The following RAB11FIP3 variants were observed in gnomAD, a reference collection of about 807,000 sequenced individuals.
RAB11FIP3 encodes RAB11 family interacting protein 3.
Under a neutral mutation model 77.8 loss-of-function variants are expected in RAB11FIP3, and 17 were observed. The ratio of observed to expected loss-of-function variants is 0.22; its 90% confidence interval spans 0.15 to 0.33. The LOEUF is 0.33. RAB11FIP3 is among the 10% of genes least tolerant of loss of function. RAB11FIP3 has a pLI of 1.00. For synonymous variants in RAB11FIP3, 437 were observed against 448.2 expected (o/e 0.98, Z 0.31); for missense variants, 1,005 against 1,011.2 (o/e 0.99, Z 0.08).
rs1042433105 is a variant in RAB11FIP3, at chr16:425,852, C to A, written c.-155C>A. The A allele has an allele frequency of 7.1e-6, 2 of 279,748 alleles. No homozygotes were observed. Among genetic ancestry groups the A allele is most frequent in the South Asian group, 1.5e-4 (1 of 6,878 alleles). The allele number at this position is 279,748 out of a possible 1,614,324, so 17.3% of individuals were successfully genotyped here. ...AGCTGAGGCGCGGTGCGAAGATGGGCGAGGACAGAGCAGGGCCCGAGCGCC... is the reference window on the plus strand; with the variant it reads ...AGCTGAGGCGCGGTGCGAAGATGGGAGAGGACAGAGCAGGGCCCGAGCGCC... On this transcript the variant is annotated 5_prime_UTR_variant, in exon 1 of 14. Coordinates refer to ENST00000262305, the MANE Select transcript of RAB11FIP3 (RefSeq NM_014700.4).
chr16:450,471 C>T (rs1457427225), intron 1 of RAB11FIP3, among the ~76,000 whole-genome samples: 4 of 152,330 alleles, frequency 2.6e-5, no homozygotes, highest in South Asian at 2.1e-4. Context: ...TGACCCACCA[C>T]GCCCAACCAA....
chr16:492,699 T>C (rs1413890752), intron 5 of RAB11FIP3, among the ~76,000 whole-genome samples: 1 of 152,188 alleles, frequency 6.6e-6, no homozygotes. Context: ...GCCCTCCCAC[T>C]CACCGATAAG....
At chr16:467,015 G>A (rs529171122) in intron 2 of RAB11FIP3, among the ~76,000 whole-genome samples, 5 of 152,316 alleles carry the variant, frequency 3.3e-5, no homozygotes, top group East Asian at 1.9e-4. Context: ...ATGGGGCAAC[G>A]GGCCCGTGAG....
Position 482,662 on chromosome 16 carries a change from C to T in RAB11FIP3, c.1041C>T (p.Gly347=). The T allele has an allele frequency of 1.2e-6, 2 of 1,612,910 alleles. No homozygotes were observed. Among genetic ancestry groups the T allele is most frequent in the South Asian group, 1.1e-5 (1 of 91,052 alleles). The change falls in exon 4 of 14, where the codon GGC becomes GGT. Residue 347 remains glycine, a synonymous_variant. Transcript: ENST00000262305. The part of the protein sequence containing the change: ...QPEGDADSAG[G]SAVPSECLDA... ...AAGGGGACGCAGACAGTGCCGGCGG[C>T]TCGGCCGTGCCCTCTGAGTGCCTGG...
rs1368165135 is a variant in RAB11FIP3, at chr16:522,130, A to C, written c.*1291A>C. ...ACATTTGGGGAAAGCCTTGGGTGTA[A>C]ATCAGTGTAAACTTGGAGGAGAGAT... On this transcript the variant is annotated 3_prime_UTR_variant, in exon 14 of 14. Coordinates refer to ENST00000262305, the MANE Select transcript of RAB11FIP3 (RefSeq NM_014700.4). 2.0e-5 allele frequency: 3 copies of C among 151,662 alleles called. No individual in the cohort carries two copies. Among genetic ancestry groups the C allele is most frequent in the African/African-American group, 7.3e-5 (3 of 41,146 alleles). 9.4% of individuals were successfully genotyped at this position (151,662 alleles called of 1,614,324 possible). A position where few individuals can be genotyped will look rare whatever the true frequency, so the allele number is the denominator to read the frequency against.
chr16:482,380 C>T, intron 3 of RAB11FIP3, 145 bp from the exon 4 acceptor site: 2 of 786,418 alleles, frequency 2.5e-6, no homozygotes, highest in Non-Finnish European at 4.5e-6. Flanking sequence ...TAAGTAATGT[C>T]TCTGCTTAGA....
intron 8 of RAB11FIP3, 173 bp from the exon 9 acceptor site, chr16:510,487 G>C (rs1269974858): frequency 5.7e-6 from 4 of 699,950 alleles, no homozygotes. Context: ...CCATCTGGGG[G>C]TGTATTCGCT....
intron 1 of RAB11FIP3, among the ~76,000 whole-genome samples, chr16:460,739 C>T (rs566043444): frequency 1.3e-5 from 2 of 152,232 alleles, no homozygotes; most frequent in South Asian, 4.2e-4. Context: ...GGATCCTTGC[C>T]GGAACAATAC....
intron 1 of RAB11FIP3, among the ~76,000 whole-genome samples, chr16:427,666 A>AT (rs1160743342): frequency 2.0e-5 from 3 of 152,176 alleles, no homozygotes; most frequent in East Asian, 1.9e-4. Flanking sequence ...GCATCTGTCA[A>AT]TTTTTTGTAT....
chr16:482,131 C>A (rs1185205280), intron 3 of RAB11FIP3, among the ~76,000 whole-genome samples: 1 of 127,678 alleles, frequency 7.8e-6, no homozygotes, highest in Non-Finnish European at 1.6e-5. Flanking sequence ...GTAGCTGGGA[C>A]CTGCAGGCAG....
intron 7 of RAB11FIP3, among the ~76,000 whole-genome samples, chr16:504,138 C>T (rs1596289149): frequency 1.5e-5 from 1 of 67,568 alleles, no homozygotes; most frequent in African/African-American, 7.2e-5. Flanking sequence ...CCCACCTCCT[C>T]CTGTACCCCC....
At position 426,320 on chromosome 16, in the gene RAB11FIP3, C is replaced by A; in HGVS notation, c.314C>A (p.Ala105Asp). Residue 105 changes from alanine to aspartate, a missense_variant, in exon 1 of 14, where the codon GCC becomes GAC. Transcript: ENST00000262305. This position sits in a 1 kb window ranked among gnomAD's most constrained non-coding sequence, Gnocchi z 5.0. Reference sequence around the variant, plus strand: ...CGGGGGCAGCTTGCGAGCCCCGACGCCCCGGGCCCAGGGCCGCGCTCCGAA... The same window carrying A: ...CGGGGGCAGCTTGCGAGCCCCGACGACCCGGGCCCAGGGCCGCGCTCCGAA... ...GPRGQLASPD[A>D]PGPGPRSEAP... The A allele has an allele frequency of 7.1e-7, 1 of 1,402,550 alleles. No individual in the cohort carries two copies. Among genetic ancestry groups the A allele is most frequent in the Non-Finnish European group, 9.3e-7 (1 of 1,072,862 alleles). The allele number at this position is 1,402,550 out of a possible 1,614,324, so 86.9% of individuals were successfully genotyped here.
Position 436,167 on chromosome 16 carries a change from G to A in RAB11FIP3, c.714+9447G>A, listed in dbSNP as rs1011182159. Among the ~76,000 whole-genome samples, 9 of 152,200 alleles carry A rather than the reference G, an allele frequency of 5.9e-5. No homozygotes were observed. In the South Asian group the frequency reaches 6.2e-4, roughly 11 times the overall value. ...CTGCTAAAAGTACAAAAAATTAGCC[G>A]GGCGTGGTGGCAGGCGCCTGTAATT... On this transcript the variant is annotated intron_variant, in intron 1 of 13. Coordinates refer to ENST00000262305, the MANE Select transcript of RAB11FIP3 (RefSeq NM_014700.4).
In RAB11FIP3 at chr16:492,360, T is replaced by TCCCCGGGAGACCCGAGGCCGCCCAGAGCC; in HGVS notation, c.1265+3361_1265+3362insCCCGGGAGACCCGAGGCCGCCCAGAGCCC. Among the ~76,000 whole-genome samples the TCCCCGGGAGACCCGAGGCCGCCCAGAGCC allele has an allele frequency of 2.3e-4, 6 of 25,636 alleles. 1 individual carries two copies. The highest frequency in any genetic ancestry group is 9.5e-4 in the East Asian group (1 of 1,052). 16.8% of individuals were successfully genotyped at this position (25,636 alleles called of 152,430 possible). A position where few individuals can be genotyped will look rare whatever the true frequency, so the allele number is the denominator to read the frequency against. ...AAGCAGAAGTGCTCTTTGAAGAGGG[T>TCCCCGGGAGACCCGAGGCCGCCCAGAGCC]CTTCCCGGGAGACCCGAGGCCGCCC... On this transcript the variant is annotated intron_variant, in intron 5 of 13. Coordinates refer to ENST00000262305, the MANE Select transcript of RAB11FIP3 (RefSeq NM_014700.4).
At chr16:467,922 G>C (rs1467279446) in intron 2 of RAB11FIP3, among the ~76,000 whole-genome samples, 15 of 112,754 alleles carry the variant, frequency 1.3e-4, no homozygotes, top group African/African-American at 3.6e-4. Flanking sequence ...GTGCAGGGGC[G>C]TCAGGGAGGA....
rs146249457 is a variant in RAB11FIP3, at chr16:520,471, C to T, written c.2029C>T (p.Leu677=). 798 of 1,613,516 alleles carry T rather than the reference C, an allele frequency of 4.9e-4. 3 individuals carry two copies. The highest frequency in any genetic ancestry group is 1.9e-3 in the East Asian group (87 of 44,872). ...VRRLKQDNRN[L]KEQNEELNGQ... ...GCTGTGCCTTCAGGACAACCGCAAC[C>T]TGAAGGAGCAGAACGAGGAGCTGAA... is the stretch of plus-strand genomic sequence containing the variant. Residue 677 remains leucine (L), a synonymous_variant, in exon 13 of 14, where the codon CTG becomes TTG. Transcript: ENST00000262305.
intron 1 of RAB11FIP3, among the ~76,000 whole-genome samples, chr16:444,882 A>G (rs1596199934): frequency 6.6e-6 from 1 of 152,172 alleles, no homozygotes; most frequent in East Asian, 1.9e-4. Context: ...CGGGAGGCCA[A>G]GGCAGGTGGA....
Position 482,238 on chromosome 16 carries a change from G to C in RAB11FIP3, c.904-287G>C, listed in dbSNP as rs184914976. On this transcript the variant is annotated intron_variant, in intron 3 of 13. Transcript: ENST00000262305. Reference sequence around the variant, plus strand: ...CATCTAGGTAAGTTTTGTATTTTTGGTAGAGACAAATTTCACTTTGTTGGC... The same window carrying C: ...CATCTAGGTAAGTTTTGTATTTTTGCTAGAGACAAATTTCACTTTGTTGGC... 3.2e-4 allele frequency: 183 copies of C among 569,580 alleles called. 1 individual carries two copies. The African/African-American group carries it at 3.3e-3, about 10-fold the overall frequency. 35.3% of individuals were successfully genotyped at this position (569,580 alleles called of 1,614,324 possible). A position where few individuals can be genotyped will look rare whatever the true frequency, so the allele number is the denominator to read the frequency against.
At position 426,121 on chromosome 16, in the gene RAB11FIP3, C is replaced by G; in HGVS notation, c.115C>G (p.Leu39Val). Residue 39 changes from leucine (L) to valine (V), a missense_variant, in exon 1 of 14, where the codon CTA becomes GTA. Around this residue, in one of 4 missense-constraint regions of RAB11FIP3, gnomAD observed 466 missense variants for 408.3 expected, o/e 1.14. Coordinates refer to ENST00000262305, the MANE Select transcript of RAB11FIP3 (RefSeq NM_014700.4). This position sits in a 1 kb window ranked among gnomAD's most constrained non-coding sequence, Gnocchi z 5.0. ...ACAACTGGCTCCGGGCCCTGCGGAG[C>G]TACGCCTCGGAGCGCCCGTCGGCGG... ...AAQLAPGPAE[L>V]RLGAPVGGPD... The G allele has an allele frequency of 9.9e-7, 1 of 1,009,254 alleles. No individual in the cohort carries two copies. The highest frequency in any genetic ancestry group is 1.2e-6 in the Non-Finnish European group (1 of 847,070). The allele number at this position is 1,009,254 out of a possible 1,614,324, so 62.5% of individuals were successfully genotyped here.
Sources: gnomAD v4.1 joint callset for allele counts (sites outside exome capture counted in the v4.1 genomes callset) on GRCh38, gnomAD v4.1.1 for gene constraint, gnomAD v4.1.1 regional missense constraint, Gnocchi (gnomAD v3.1) non-coding constraint, MANE v1.5 for transcripts, NCBI Gene and HGNC (gene_info 2026-07-23, HGNC 2026-07-21) for gene names.